Variants in CASP9 observed in about 807,000 individuals in gnomAD.
CASP9 encodes caspase 9.
In CASP9, 29 loss-of-function variants were observed where a neutral mutation model predicts 43.5. The ratio of observed to expected loss-of-function variants is 0.67; its 90% CI spans 0.50 to 0.91. The LOEUF is 0.91. CASP9 is among the 40% of genes least tolerant of loss of function. CASP9 has a pLI of 0.00. For missense variants in CASP9, 575 were observed against 537.4 expected, an observed-to-expected ratio of 1.07 and a Z score of -0.69; for synonymous variants, 206 against 211.9, an observed-to-expected ratio of 0.97 and a Z score of 0.24.
intron 2 of CASP9, among the ~76,000 whole-genome samples, chr1:15,509,843 A>G (rs564822577): frequency 2.6e-5 from 4 of 152,242 alleles, no homozygotes; most frequent in Non-Finnish European, 5.9e-5. Flanking sequence ...ATAAATGAAT[A>G]AAGATGATTA....
chr1:15,515,844 A>C (rs528072267), intron 2 of CASP9, among the ~76,000 whole-genome samples: 74 of 151,992 alleles, frequency 4.9e-4, no homozygotes, highest in Non-Finnish European at 9.1e-4. Flanking sequence ...CTACTGGAGC[A>C]CAGGAGTTTG....
upstream of CASP9, chr1:15,524,582 C>CCTCACGTCCCCGCACTGAA: frequency 2.2e-6 from 2 of 928,330 alleles, no homozygotes; most frequent in Non-Finnish European, 2.6e-6. Context: ...CCCGCACTGA[C>CCTCACGTCCCCGCACTGAA]CTCACGTCAC....
At chr1:15,493,283 C>A in intron 8 of CASP9, 1 of 1,360,022 alleles carries the variant, frequency 7.4e-7, no homozygotes, top group Non-Finnish European at 9.4e-7. Context: ...CAGGAGTGGC[C>A]CCAGCCTCGC....
rs1267583984 is a variant in CASP9, at chr1:15,507,062, C to T, written c.467G>A (p.Ser156Asn). 1.1e-5 allele frequency: 17 copies of T among 1,614,094 alleles called. No homozygotes were observed. Among genetic ancestry groups the T allele is most frequent in the Admixed American group, 1.7e-5 (1 of 60,022 alleles). ...GAGGCAGTGGCCACAGGGCTCCATG[C>T]TCAGGATGTAAGCCTGCCAGCACAG... ...RGNADLAYIL[S>N]MEPCGHCLII... Residue 156 changes from serine to asparagine, a missense_variant, in exon 4 of 9, where the codon AGC becomes AAC. Ser to Asn is a conservative substitution (Grantham distance 46, BLOSUM62 1). Coordinates refer to ENST00000333868, the MANE Select transcript of CASP9 (RefSeq NM_001229.5).
In CASP9 at chr1:15,518,159, C is replaced by T. The variant is rs202189326; in HGVS notation, c.369G>A (p.Pro123=). The change falls in exon 2 of 9, where the codon CCG becomes CCA. Residue 123 remains proline (P), a synonymous_variant. Transcript: ENST00000333868. ...PEIRKPEVLR[P]ETPRPVDIGS... ...CAATGTCCACTGGTCTGGGTGTTTC[C>T]GGTCTGAGAACCTCTGGTTTGCGAA... 1.6e-5 allele frequency: 26 copies of T among 1,614,180 alleles called. No individual in the cohort carries two copies. Among genetic ancestry groups the T allele is most frequent in the Admixed American group, 5.0e-5 (3 of 60,026 alleles).
At chr1:15,496,980 A>C (rs1309908524) in intron 6 of CASP9, among the ~76,000 whole-genome samples, 3 of 152,112 alleles carry the variant, frequency 2.0e-5, no homozygotes, top group Non-Finnish European at 2.9e-5. Context: ...GCGCCACTGC[A>C]CTTCAGCCTG....
At chr1:15,515,180 G>A (rs182064549) in intron 2 of CASP9, among the ~76,000 whole-genome samples, 3 of 152,258 alleles carry the variant, frequency 2.0e-5, no homozygotes, top group Admixed American at 1.3e-4. Context: ...AATGACTCAC[G>A]TTGACATTTC....
At position 15,507,009 on chromosome 1, in the gene CASP9, C is replaced by G. The variant is rs1709551204; in HGVS notation, c.520G>C (p.Glu174Gln). The G allele has an allele frequency of 6.2e-7, 1 of 1,614,180 alleles. No individual in the cohort carries two copies. Among genetic ancestry groups the G allele is most frequent in the Admixed American group, 1.7e-5 (1 of 60,026 alleles). Reference protein sequence around the residue: ...LIINNVNFCRESGLRTRTGSN... With the variant: ...LIINNVNFCRQSGLRTRTGSN... ...CCAGTGCGGGTGCGGAGCCCGGACT[C>G]ACGGCAGAAGTTCACATTGTTGATA... Residue 174 changes from glutamate (E) to glutamine (Q), a missense_variant, in exon 4 of 9, where the codon GAG (glutamate) becomes CAG (glutamine). By Grantham distance (29) the Glu-to-Gln change is conservative (BLOSUM62 2). Transcript: ENST00000333868.
At chr1:15,517,723 C>T (rs1710005895) in intron 2 of CASP9, among the ~76,000 whole-genome samples, 1 of 151,988 alleles carries the variant, frequency 6.6e-6, no homozygotes. Flanking sequence ...TTGTATGGGG[C>T]AGATACAACT....
intron 7 of CASP9, 139 bp from the exon 8 acceptor site, chr1:15,494,140 CCT>C (rs1187762213): frequency 1.8e-5 from 18 of 978,848 alleles, no homozygotes; most frequent in East Asian, 5.2e-5. Context: ...CAGCCTGGCC[CCT>C]GAGGCTCTGC....
intron 2 of CASP9, among the ~76,000 whole-genome samples, chr1:15,511,657 G>T (rs1709760849): frequency 6.6e-6 from 1 of 152,170 alleles, no homozygotes; most frequent in African/African-American, 2.4e-5. Flanking sequence ...ATCCGTCTTG[G>T]CCTCCCCAAG....
chr1:15,524,202 G>A lies in CASP9; in HGVS notation c.-2C>T, dbSNP rs1404088985. On this transcript the variant is annotated 5_prime_UTR_variant, in exon 1 of 9. Transcript: ENST00000333868. ...GAGCCGCCGATCCGCTTCGTCCATG[G>A]CGAGTAGCCAACTAAGACTCCAGGC... 1 of 1,543,514 alleles carries A rather than the reference G, an allele frequency of 6.5e-7. No homozygotes were observed.
upstream of CASP9, chr1:15,524,432 G>GC: frequency 1.9e-6 from 2 of 1,080,266 alleles, no homozygotes; most frequent in Non-Finnish European, 2.2e-6. Flanking sequence ...GCCTCGCCCC[G>GC]CCCCCAGGGC....
intron 6 of CASP9, among the ~76,000 whole-genome samples, chr1:15,503,654 G>A (rs1709411585): frequency 1.3e-5 from 2 of 152,352 alleles, no homozygotes. Flanking sequence ...ACGTGGAATA[G>A]GGATGGGGCA....
intron 2 of CASP9, among the ~76,000 whole-genome samples, chr1:15,516,347 C>T (rs6695562): frequency 0.31 from 46,875 of 151,386 alleles, 7,639 homozygotes; most frequent in East Asian, 0.58. Context: ...AAAAAATTAG[C>T]CAGGCCTGGT....
chr1:15,495,158 G>T, intron 7 of CASP9, 115 bp downstream of exon 7: 1 of 983,786 alleles, frequency 1.0e-6, no homozygotes, highest in Non-Finnish European at 1.5e-6. Flanking sequence ...GTCACAGAGG[G>T]GCAAAAGACA....
intron 2 of CASP9, among the ~76,000 whole-genome samples, chr1:15,515,067 C>T (rs1452346307): frequency 6.6e-6 from 1 of 151,920 alleles, no homozygotes; most frequent in East Asian, 1.9e-4. Context: ...TGTTATTTAC[C>T]CTTCAGAATT....
At chr1:15,502,558 C>A (rs1457398626) in intron 6 of CASP9, among the ~76,000 whole-genome samples, 1 of 152,116 alleles carries the variant, frequency 6.6e-6, no homozygotes, top group South Asian at 2.1e-4. Flanking sequence ...CTGGGCCGTG[C>A]TGGGGACTCG....
chr1:15,520,175 G>A (rs1710124854), intron 1 of CASP9, among the ~76,000 whole-genome samples: 1 of 152,310 alleles, frequency 6.6e-6, no homozygotes, highest in Admixed American at 6.5e-5. Flanking sequence ...CACTGTCTAT[G>A]AGAACCTTCC....
Sources: allele counts gnomAD v4.1 joint callset (sites outside exome capture counted in the v4.1 genomes callset), GRCh38; gene constraint gnomAD v4.1.1; transcripts MANE v1.5; gene names NCBI Gene and HGNC (gene_info 2026-07-23, HGNC 2026-07-21).